KCND3: variants seen among roughly 807,000 people sequenced by gnomAD.
The protein encoded by KCND3 is potassium voltage-gated channel subfamily D member 3.
A neutral mutation model predicts 51.1 loss-of-function variants in KCND3; 9 were observed. The observed-to-expected ratio is 0.18, with a 90% CI of 0.11 to 0.31. The LOEUF is 0.31. Ranked by LOEUF, KCND3 falls within the 10% of genes least tolerant of loss-of-function variation. The pLI is 1.00. For missense variants in KCND3, 526 were observed against 903.8 expected (o/e 0.58, Z 5.36); for synonymous variants, 349 against 368.0 (o/e 0.95, Z 0.59).
intron 2 of KCND3, among the ~76,000 whole-genome samples, chr1:111,791,022 G>T (rs1409193021): frequency 6.6e-6 from 1 of 152,200 alleles, no homozygotes; most frequent in Non-Finnish European, 1.5e-5. Flanking sequence ...GAATAATGCT[G>T]CTATGAACAT....
intron 2 of KCND3, among the ~76,000 whole-genome samples, chr1:111,878,731 G>A (rs1669172349): frequency 1.3e-5 from 2 of 152,172 alleles, no homozygotes; most frequent in South Asian, 4.1e-4. Flanking sequence ...AGGGGTAAGG[G>A]GTAGAGAATG....
chr1:111,927,138 AT>A (rs1231985084), intron 2 of KCND3, among the ~76,000 whole-genome samples: 2 of 152,204 alleles, frequency 1.3e-5, no homozygotes, highest in African/African-American at 4.8e-5. Context: ...GAGACATTAA[AT>A]ATGGGCCCTG....
At position 111,771,837 on chromosome 1, in the gene KCND3, G is replaced by T. The variant is rs1311945649; in HGVS notation, c.*4240C>A. 6.6e-6 allele frequency: 1 copy of T among 152,176 alleles called. No individual in the cohort carries two copies. Among genetic ancestry groups the T allele is most frequent in the Non-Finnish European group, 1.5e-5 (1 of 68,028 alleles). 9.4% of individuals were successfully genotyped at this position (152,176 alleles called of 1,614,324 possible). ...ATATCTATTGGTCTTTTGAAAGGGA[G>T]TCTATGCAGTTAGTCCTGAGCTTGG... On this transcript the variant is annotated 3_prime_UTR_variant, in exon 8 of 8. Transcript: ENST00000302127.
intron 2 of KCND3, among the ~76,000 whole-genome samples, chr1:111,959,052 A>C (rs181638101): frequency 1.1e-3 from 161 of 152,352 alleles, no homozygotes; most frequent in African/African-American, 3.6e-3. Flanking sequence ...ACACACTCAC[A>C]GAGTCAGCCA....
intron 2 of KCND3, among the ~76,000 whole-genome samples, chr1:111,892,796 T>C (rs996064018): frequency 1.4e-4 from 21 of 152,248 alleles, no homozygotes; most frequent in Non-Finnish European, 2.6e-4. Flanking sequence ...GACTGAATGA[T>C]AACTATCTAC....
In KCND3 at chr1:111,961,487, AG is replaced by A. The variant is rs1370166474; in HGVS notation, c.1106+20133del. On this transcript the variant is annotated intron_variant, in intron 2 of 7. Transcript: ENST00000302127. ...GCCAGGGTTGACCTCTGCTTAGTGC[AG>A]GGGAGCACAGGCTCCTCTGCCAAGC... is the stretch of plus-strand genomic sequence containing the variant. 2.0e-5 allele frequency among the ~76,000 whole-genome samples: 3 copies of A among 152,278 alleles called. No homozygotes were observed. In the East Asian group the frequency reaches 5.8e-4, roughly 29 times the overall value.
At chr1:111,916,642 A>C (rs916026851) in intron 2 of KCND3, among the ~76,000 whole-genome samples, 8 of 152,308 alleles carry the variant, frequency 5.3e-5, no homozygotes, top group African/African-American at 1.9e-4. Context: ...AGATGAATAA[A>C]ATTAAAAAAA....
chr1:111,860,694 T>C (rs139899882), intron 2 of KCND3, among the ~76,000 whole-genome samples: 3 of 152,220 alleles, frequency 2.0e-5, no homozygotes. Flanking sequence ...TATGTCTGCC[T>C]CAGCAGGGAG....
intron 2 of KCND3, among the ~76,000 whole-genome samples, chr1:111,845,143 G>A (rs1208830893): frequency 1.3e-5 from 2 of 152,102 alleles, no homozygotes; most frequent in East Asian, 3.9e-4. Flanking sequence ...TAAATCCAGT[G>A]GGCGCTCTTC....
At chr1:111,878,081 G>C (rs568841985) in intron 2 of KCND3, among the ~76,000 whole-genome samples, 1 of 152,238 alleles carries the variant, frequency 6.6e-6, no homozygotes, top group Admixed American at 6.5e-5. Context: ...ACAGCTAACA[G>C]GTGGGGGATG....
intron 2 of KCND3, among the ~76,000 whole-genome samples, chr1:111,905,651 G>A (rs556387282): frequency 6.6e-6 from 1 of 152,284 alleles, no homozygotes; most frequent in African/African-American, 2.4e-5. Context: ...TGACTATGGC[G>A]TGCAGCCCTT....
chr1:111,821,510 T>C (rs1666346319), intron 2 of KCND3, among the ~76,000 whole-genome samples: 1 of 152,214 alleles, frequency 6.6e-6, no homozygotes, highest in African/African-American at 2.4e-5. Flanking sequence ...GACTCAGAGA[T>C]GCCTGGTTTC....
chr1:111,828,644 G>C (rs1050088843), intron 2 of KCND3, among the ~76,000 whole-genome samples: 1 of 152,156 alleles, frequency 6.6e-6, no homozygotes, highest in African/African-American at 2.4e-5. Context: ...TGAGCTCTGG[G>C]ATCTGCTATG....
rs755559759 is a variant in KCND3 at position 111,775,180 on chromosome 1, C to G, written c.*897G>C. The stretch of plus-strand genomic sequence containing the variant: ...GTTGCATTCACACAGATAGAACTCC[C>G]AGGCACAAGTCTGTTGTGCGTGGCA... On this transcript the variant is annotated 3_prime_UTR_variant, in exon 8 of 8. Coordinates refer to ENST00000302127, the MANE Select transcript of KCND3 (RefSeq NM_001378969.1). The G allele has an allele frequency of 5.3e-5, 8 of 152,264 alleles. No homozygotes were observed. Among genetic ancestry groups the G allele is most frequent in the Non-Finnish European group, 1.2e-4 (8 of 68,088 alleles). The allele number at this position is 152,264 out of a possible 1,614,324, so 9.4% of individuals were successfully genotyped here.
intron 2 of KCND3, among the ~76,000 whole-genome samples, chr1:111,797,197 G>A (rs1327920362): frequency 1.3e-5 from 2 of 152,184 alleles, no homozygotes; most frequent in Non-Finnish European, 2.9e-5. Context: ...TGGTGATCTG[G>A]GGACTACTGC....
chr1:111,863,919 A>T (rs1668443634), intron 2 of KCND3, among the ~76,000 whole-genome samples: 1 of 152,052 alleles, frequency 6.6e-6, no homozygotes, highest in South Asian at 2.1e-4. Context: ...GGTCTAAGAG[A>T]TACTGAGGAA....
intron 2 of KCND3, among the ~76,000 whole-genome samples, chr1:111,942,265 A>G (rs564726904): frequency 6.6e-6 from 1 of 152,356 alleles, no homozygotes; most frequent in South Asian, 2.1e-4. Context: ...AGTTCTAGGC[A>G]CAGTAGTGAA....
rs1010113948 is a variant in KCND3 at position 111,772,486 on chromosome 1, G to A, written c.*3591C>T. 2 of 152,168 alleles carry A rather than the reference G, an allele frequency of 1.3e-5. No individual in the cohort carries two copies. The highest frequency in any genetic ancestry group is 2.4e-5 in the African/African-American group (1 of 41,434). The allele number at this position is 152,168 out of a possible 1,614,324, so 9.4% of individuals were successfully genotyped here. A position where few individuals can be genotyped will look rare whatever the true frequency, so the allele number is the denominator to read the frequency against. Reference sequence around the variant, plus strand: ...CAATTACAGTATGGATTCTTTGATGGATCTTCTCCAAAGCATCACTGCTCT... The same window carrying A: ...CAATTACAGTATGGATTCTTTGATGAATCTTCTCCAAAGCATCACTGCTCT... On this transcript the variant is annotated 3_prime_UTR_variant, in exon 8 of 8. Coordinates refer to ENST00000302127, the MANE Select transcript of KCND3 (RefSeq NM_001378969.1).
chr1:111,783,764 C>T (rs924838126), intron 3 of KCND3, among the ~76,000 whole-genome samples: 1 of 152,044 alleles, frequency 6.6e-6, no homozygotes, highest in African/African-American at 2.4e-5. Context: ...TGAAATCATC[C>T]CTGGTGTTTC....
Sources: allele counts gnomAD v4.1 joint callset (sites outside exome capture counted in the v4.1 genomes callset), GRCh38; gene constraint gnomAD v4.1.1; transcripts MANE v1.5; gene names NCBI Gene and HGNC (gene_info 2026-07-23, HGNC 2026-07-21).